SGCD: variants seen among roughly 807,000 people sequenced by gnomAD.
The protein encoded by SGCD is sarcoglycan delta.
A neutral mutation model predicts 36.6 loss-of-function variants in SGCD; 18 were observed. The observed-to-expected ratio is 0.49, with a 90% CI of 0.34 to 0.73. The LOEUF (loss-of-function observed/expected upper bound fraction) is 0.73, where lower values mean the gene tolerates loss of function less well. Ranked by LOEUF, SGCD falls within the 30% of genes least tolerant of loss-of-function variation. SGCD has a pLI of 0.01. For missense variants in SGCD, 387 were observed against 346.7 expected (o/e 1.12, Z -0.92); for synonymous variants, 133 against 130.6 (o/e 1.02, Z -0.12).
intron 1 of SGCD, among the ~76,000 whole-genome samples, chr5:156,008,622 G>A (rs955673423): frequency 5.3e-5 from 8 of 152,060 alleles, no homozygotes; most frequent in South Asian, 2.1e-4. Flanking sequence ...GCAGTTCTCC[G>A]GCCTCAGCCT....
intron 3 of SGCD, among the ~76,000 whole-genome samples, chr5:156,458,825 A>G (rs1438432191): frequency 3.9e-5 from 6 of 152,208 alleles, no homozygotes; most frequent in African/African-American, 1.4e-4. Context: ...AAGTGTTTAA[A>G]CAAGTGACTA....
chr5:156,227,781 C>T (rs1231205129), intron 3 of SGCD, among the ~76,000 whole-genome samples: 1 of 152,052 alleles, frequency 6.6e-6, no homozygotes, highest in Non-Finnish European at 1.5e-5. Context: ...GCATTTAGGG[C>T]TATGAACTTT....
intron 4 of SGCD, among the ~76,000 whole-genome samples, chr5:156,562,191 A>C (rs1280197051): frequency 6.6e-6 from 1 of 152,204 alleles, no homozygotes; most frequent in Non-Finnish European, 1.5e-5. Context: ...TAGCAAAGTA[A>C]GTAAATTATG....
At chr5:156,015,150 C>A (rs1428751333) in intron 1 of SGCD, among the ~76,000 whole-genome samples, 15 of 152,152 alleles carry the variant, frequency 9.9e-5, no homozygotes, top group Admixed American at 9.8e-4. Context: ...TGGTGTTTTT[C>A]TAACTCCTCT....
At chr5:156,442,420 A>G (rs558935356) in intron 3 of SGCD, among the ~76,000 whole-genome samples, 1 of 152,158 alleles carries the variant, frequency 6.6e-6, no homozygotes, top group Admixed American at 6.5e-5. Context: ...CTGGAAGTCA[A>G]TTTCTTCAAC....
At chr5:156,146,102 A>C (rs1482420426) in intron 3 of SGCD, among the ~76,000 whole-genome samples, 1 of 152,094 alleles carries the variant, frequency 6.6e-6, no homozygotes, top group Non-Finnish European at 1.5e-5. Context: ...AGTCCCAGCT[A>C]CTCGGGAGGC....
intron 7 of SGCD, among the ~76,000 whole-genome samples, chr5:156,735,411 T>C (rs1449495262): frequency 1.3e-5 from 2 of 151,922 alleles, no homozygotes; most frequent in Non-Finnish European, 2.9e-5. Context: ...CAGGGAGTTT[T>C]CAAATCTCTG....
At chr5:156,620,664 C>G (rs1762209150) in intron 6 of SGCD, among the ~76,000 whole-genome samples, 1 of 152,150 alleles carries the variant, frequency 6.6e-6, no homozygotes, top group African/African-American at 2.4e-5. Context: ...TCCTATGCAG[C>G]AGCAAGAACA....
intron 3 of SGCD, among the ~76,000 whole-genome samples, chr5:156,483,948 G>T (rs763291597): frequency 6.6e-6 from 1 of 152,148 alleles, no homozygotes; most frequent in Non-Finnish European, 1.5e-5. Context: ...GATGTTAAAG[G>T]TTTCAGGATT....
intron 7 of SGCD, among the ~76,000 whole-genome samples, chr5:156,664,488 T>C (rs1198313446): frequency 4.5e-5 from 6 of 134,572 alleles, no homozygotes; most frequent in African/African-American, 1.8e-4. Flanking sequence ...GGTCTTGGAT[T>C]TTTTCCCAGG....
intron 1 of SGCD, among the ~76,000 whole-genome samples, chr5:155,958,114 A>C (rs886523813): frequency 1.3e-5 from 2 of 152,134 alleles, no homozygotes; most frequent in African/African-American, 4.8e-5. Context: ...ATTGCTCAGC[A>C]GTACTCAAGG....
chr5:156,437,076 T>G (rs1250356800), intron 3 of SGCD, among the ~76,000 whole-genome samples: 1 of 152,172 alleles, frequency 6.6e-6, no homozygotes, highest in Non-Finnish European at 1.5e-5. Context: ...ATACCAAACA[T>G]TATCCTTTAA....
At chr5:155,952,139 G>A (rs1428874164) in intron 1 of SGCD, among the ~76,000 whole-genome samples, 1 of 152,050 alleles carries the variant, frequency 6.6e-6, no homozygotes, top group Non-Finnish European at 1.5e-5. Flanking sequence ...CTCTGATCTT[G>A]GGGTGTATAG....
intron 1 of SGCD, among the ~76,000 whole-genome samples, chr5:156,070,748 A>C (rs1450325516): frequency 6.6e-6 from 1 of 152,066 alleles, no homozygotes; most frequent in Non-Finnish European, 1.5e-5. Context: ...TCGGCTGTGA[A>C]TCCATCTGGT....
At chr5:155,852,956 A>C in the SGCD span, among the ~76,000 whole-genome samples, 2 of 152,086 alleles carry the variant, frequency 1.3e-5, no homozygotes, top group Non-Finnish European at 2.9e-5. Flanking sequence ...ACATTTTTGT[A>C]CGAATTGGGA....
chr5:156,738,415 A>C (rs942255916), intron 7 of SGCD, among the ~76,000 whole-genome samples: 5 of 152,194 alleles, frequency 3.3e-5, no homozygotes, highest in African/African-American at 1.2e-4. Flanking sequence ...TTCTATTCAC[A>C]GTTCAGAAGC....
intron 1 of SGCD, among the ~76,000 whole-genome samples, chr5:155,949,477 G>T (rs1362810348): frequency 2.0e-5 from 3 of 152,126 alleles, no homozygotes; most frequent in African/African-American, 7.2e-5. Context: ...AGACAACGAG[G>T]TTTCGTGAGA....
chr5:155,812,390 C>T, the SGCD span, among the ~76,000 whole-genome samples: 1 of 152,182 alleles, frequency 6.6e-6, no homozygotes, highest in African/African-American at 2.4e-5. Flanking sequence ...GCTGTTGGCT[C>T]GTTCTGGCGG....
intron 1 of SGCD, among the ~76,000 whole-genome samples, chr5:156,076,169 G>A (rs1760780284): frequency 1.3e-5 from 2 of 151,878 alleles, no homozygotes; most frequent in South Asian, 4.2e-4. Context: ...GCCATTCTCT[G>A]CCATTTCTGT....
Sources: allele counts gnomAD v4.1 joint callset (sites outside exome capture counted in the v4.1 genomes callset), GRCh38; gene constraint gnomAD v4.1.1; transcripts MANE v1.5; gene names NCBI Gene and HGNC (gene_info 2026-07-23, HGNC 2026-07-21).